ANO3: variants seen among roughly 807,000 people sequenced by gnomAD.
ANO3 encodes the protein anoctamin 3, also known as anoctamin-3.
A neutral mutation model predicts 144.8 loss-of-function variants in ANO3; 99 were observed. The observed-to-expected ratio is 0.68, with a 90% confidence interval of 0.58 to 0.81. ANO3 has a LOEUF of 0.81. Among genes scored for constraint, ANO3 ranks in the 30% least tolerant of loss-of-function variants. ANO3 has a pLI of 0.00. For synonymous variants in ANO3, 414 were observed against 392.6 expected (o/e 1.05, Z -0.64); for missense variants, 905 against 1,202.2 (o/e 0.75, Z 3.66).
At chr11:26,311,599 G>A (rs558630371) in intron 1 of ANO3, among the ~76,000 whole-genome samples, 2 of 152,282 alleles carry the variant, frequency 1.3e-5, no homozygotes, top group Non-Finnish European at 2.9e-5. Flanking sequence ...TACTAAAGAG[G>A]AGAAGGATAA....
intron 1 of ANO3, among the ~76,000 whole-genome samples, chr11:26,423,959 C>T (rs1565016398): frequency 2.0e-5 from 3 of 151,550 alleles, no homozygotes; most frequent in Admixed American, 6.6e-5. Flanking sequence ...CCATCTATGA[C>T]GTAGGCATTG....
At chr11:26,255,104 G>C (rs975319165) in intron 1 of ANO3, among the ~76,000 whole-genome samples, 7 of 152,194 alleles carry the variant, frequency 4.6e-5, no homozygotes, top group African/African-American at 1.7e-4. Context: ...CTAACAACTA[G>C]GTTGGAGTTT....
intron 17 of ANO3, among the ~76,000 whole-genome samples, chr11:26,619,758 C>T (rs866689991): frequency 2.6e-5 from 4 of 152,132 alleles, no homozygotes; most frequent in South Asian, 2.1e-4. Flanking sequence ...TGAGCCACTG[C>T]GCCCGGCCAA....
chr11:26,548,006 T>C (rs11825007), intron 12 of ANO3, among the ~76,000 whole-genome samples: 32,219 of 151,870 alleles, frequency 0.21, 3,639 homozygotes, highest in South Asian at 0.28. Context: ...TTTTTGCACA[T>C]GAGGGAACCT....
At chr11:26,608,518 C>T (rs1324566140) in intron 17 of ANO3, among the ~76,000 whole-genome samples, 6 of 152,094 alleles carry the variant, frequency 3.9e-5, no homozygotes, top group Admixed American at 3.9e-4. Flanking sequence ...TCTCGGCTGC[C>T]TGGATTTCTC....
At chr11:26,289,780 T>C (rs989859683) in intron 1 of ANO3, among the ~76,000 whole-genome samples, 2 of 145,972 alleles carry the variant, frequency 1.4e-5, no homozygotes, top group Non-Finnish European at 3.0e-5. Flanking sequence ...TACATATGTA[T>C]AATGCCAGTA....
chr11:26,357,483 A>G (rs1855812067), intron 1 of ANO3, among the ~76,000 whole-genome samples: 1 of 151,340 alleles, frequency 6.6e-6, no homozygotes, highest in Non-Finnish European at 1.5e-5. Context: ...TTTATTTGAC[A>G]TCCATACATC....
chr11:26,218,075 T>C (rs185533122), intron 1 of ANO3, among the ~76,000 whole-genome samples: 3 of 152,290 alleles, frequency 2.0e-5, no homozygotes, highest in Non-Finnish European at 4.4e-5. Flanking sequence ...TTCTAAAATG[T>C]ATTTCTTTGT....
intron 1 of ANO3, among the ~76,000 whole-genome samples, chr11:26,396,394 C>T (rs527631261): frequency 2.3e-4 from 35 of 152,188 alleles, no homozygotes; most frequent in African/African-American, 7.7e-4. Flanking sequence ...GGCGATCCCT[C>T]AAGGATCTAG....
intron 1 of ANO3, among the ~76,000 whole-genome samples, chr11:26,227,922 C>T (rs1852289538): frequency 6.6e-6 from 1 of 151,770 alleles, no homozygotes; most frequent in Non-Finnish European, 1.5e-5. Context: ...GAAAGTCAGC[C>T]CAAAGTAAAA....
intron 1 of ANO3, among the ~76,000 whole-genome samples, chr11:26,398,303 C>A (rs1030969510): frequency 6.6e-6 from 1 of 151,862 alleles, no homozygotes; most frequent in African/African-American, 2.4e-5. Flanking sequence ...GAACTCACAG[C>A]CAGCATATAA....
chr11:26,612,421 TTTAA>T lies in ANO3; in HGVS notation c.1837-12038_1837-12035del, dbSNP rs564257484. Reference sequence around the variant, plus strand: ...CCCCCTACAATTTATATTTCTGATGTTTAATTTTTACTTCTTCATCTATTAGGTG... The same window carrying T: ...CCCCCTACAATTTATATTTCTGATGTTTTTTACTTCTTCATCTATTAGGTG... On this transcript the variant is annotated intron_variant, in intron 17 of 26. Transcript: ENST00000256737. 2.6e-3 allele frequency among the ~76,000 whole-genome samples: 394 copies of T among 151,772 alleles called. 1 individual carries two copies. Among genetic ancestry groups the T allele is most frequent in the Admixed American group, 5.7e-3 (87 of 15,196 alleles).
chr11:26,276,769 C>T (rs1360144776), intron 1 of ANO3, among the ~76,000 whole-genome samples: 2 of 152,082 alleles, frequency 1.3e-5, no homozygotes, highest in East Asian at 1.9e-4. Flanking sequence ...CTCTAAAGGT[C>T]ATCTCCATCA....
intron 1 of ANO3, among the ~76,000 whole-genome samples, chr11:26,195,897 A>G (rs927130538): frequency 1.3e-5 from 2 of 152,180 alleles, no homozygotes; most frequent in Admixed American, 6.5e-5. Flanking sequence ...TTAACTGTGG[A>G]ATTAAAAAAA....
chr11:26,280,660 C>A (rs1853658012), intron 1 of ANO3, among the ~76,000 whole-genome samples: 1 of 152,178 alleles, frequency 6.6e-6, no homozygotes, highest in Admixed American at 6.5e-5. Context: ...TGTTAATCTC[C>A]TTTGGCAACA....
intron 1 of ANO3, among the ~76,000 whole-genome samples, chr11:26,281,897 A>C (rs930676344): frequency 1.3e-5 from 2 of 152,138 alleles, no homozygotes; most frequent in African/African-American, 4.8e-5. Flanking sequence ...GCCCCAACCC[A>C]GCACATGTGC....
At chr11:26,384,684 T>C (rs1163511012) in intron 1 of ANO3, among the ~76,000 whole-genome samples, 1 of 152,214 alleles carries the variant, frequency 6.6e-6, no homozygotes, top group Admixed American at 6.5e-5. Context: ...AATATAATGA[T>C]ATTGTAGGCC....
chr11:26,290,960 TC>T (rs1257043076), intron 1 of ANO3, among the ~76,000 whole-genome samples: 2 of 152,290 alleles, frequency 1.3e-5, no homozygotes, highest in East Asian at 3.9e-4. Context: ...GTCCTGGAAA[TC>T]CTTGTTAACT....
In ANO3 at chr11:26,442,073, A is replaced by G. The variant is rs768170790; in HGVS notation, c.202A>G (p.Thr68Ala). 1.4e-5 allele frequency: 22 copies of G among 1,614,018 alleles called. No homozygotes were observed. Among genetic ancestry groups the G allele is most frequent in the South Asian group, 3.3e-5 (3 of 91,084 alleles). ...QSTESESQAP[T>A]SITLISTDKA... Reference sequence around the variant, plus strand: ...AACCGAGAGTGAATCTCAGGCTCCCACATCTATAACCTTAATCTCCACTGA... The same window carrying G: ...AACCGAGAGTGAATCTCAGGCTCCCGCATCTATAACCTTAATCTCCACTGA... Residue 68 changes from threonine to alanine, a missense_variant, in exon 2 of 27, where the codon ACA (threonine) becomes GCA (alanine). Physicochemically the swap from Thr to Ala is moderately conservative, Grantham distance 58. Coordinates refer to ENST00000256737, the MANE Select transcript of ANO3 (RefSeq NM_031418.4).
Sources: gnomAD v4.1 joint callset for allele counts (sites outside exome capture counted in the v4.1 genomes callset) on GRCh38, gnomAD v4.1.1 for gene constraint, MANE v1.5 for transcripts, NCBI Gene and HGNC (gene_info 2026-07-23, HGNC 2026-07-21) for gene names.